Variants in VPS13D observed in about 807,000 individuals in gnomAD.
VPS13D encodes vacuolar protein sorting 13 homolog D, also known as intermembrane lipid transfer protein VPS13D.
In VPS13D, 187 loss-of-function variants were observed where a neutral mutation model predicts 461.9. That is an observed-to-expected ratio of 0.40 (90% CI 0.36 to 0.46). The LOEUF is 0.46. Ranked by LOEUF, VPS13D falls within the 20% of genes least tolerant of loss-of-function variation. VPS13D has a pLI of 0.60. For missense variants in VPS13D, 4,711 were observed against 5,364.9 expected, an observed-to-expected ratio of 0.88 and a Z score of 3.81; for synonymous variants, 1,951 against 1,986.3, an observed-to-expected ratio of 0.98 and a Z score of 0.47.
rs896312801 is a variant in VPS13D at position 12,509,317 on chromosome 1, A to G, written c.*293A>G. 3 of 349,816 alleles carry G rather than the reference A, an allele frequency of 8.6e-6. No individual in the cohort carries two copies. The highest frequency in any genetic ancestry group is 1.6e-5 in the Non-Finnish European group (3 of 191,102). 21.7% of individuals were successfully genotyped at this position (349,816 alleles called of 1,614,324 possible). On this transcript the variant is annotated 3_prime_UTR_variant, in exon 70 of 70. Transcript: ENST00000620676. ...TTTTAGATTGCCCTGTATTTTGTTA[A>G]CATGTATATATGTACAACAGTGTGT...
intron 8 of VPS13D, 100 bp from the exon 9 acceptor site, chr1:12,256,887 G>A: frequency 7.9e-7 from 1 of 1,268,824 alleles, no homozygotes; most frequent in Non-Finnish European, 1.1e-6. Flanking sequence ...TCAATTCAGT[G>A]GATCAACTAA....
chr1:12,266,842 C>T, intron 13 of VPS13D, 39 bp from the exon 14 acceptor site: 1 of 1,469,870 alleles, frequency 6.8e-7, no homozygotes, highest in South Asian at 1.4e-5. Flanking sequence ...ATTAGGCTCT[C>T]ATAAGCATTG....
chr1:12,467,865 G>T (rs188377246), intron 67 of VPS13D, among the ~76,000 whole-genome samples: 147 of 151,672 alleles, frequency 9.7e-4, no homozygotes, highest in Non-Finnish European at 1.6e-3. Flanking sequence ...GCCATTTTTG[G>T]CATGCAGAGA....
intron 29 of VPS13D, among the ~76,000 whole-genome samples, chr1:12,313,106 C>G (rs1175170952): frequency 1.3e-5 from 2 of 152,114 alleles, no homozygotes; most frequent in East Asian, 3.9e-4. Flanking sequence ...GGTCGTATGA[C>G]TGGGAAAGTG....
chr1:12,477,910 G>A (rs1338366850), intron 67 of VPS13D, among the ~76,000 whole-genome samples: 1 of 152,178 alleles, frequency 6.6e-6, no homozygotes, highest in Non-Finnish European at 1.5e-5. Flanking sequence ...CCTTTTTAGT[G>A]TGGTTGTATT....
intron 20 of VPS13D, among the ~76,000 whole-genome samples, chr1:12,281,215 C>T (rs1258491834): frequency 6.6e-6 from 1 of 152,106 alleles, no homozygotes; most frequent in Non-Finnish European, 1.5e-5. Context: ...AATGAGCATT[C>T]TTTGATACTA....
Position 12,275,994 on chromosome 1 carries a change from A to T in VPS13D, c.2406A>T (p.Glu802Asp), listed in dbSNP as rs757283865. ...PPFSGVEFSE[E>D]QLQAHLMSTK... ...TTTCTGGAGTTGAGTTCAGTGAAGA[A>T]CAGCTTCAAGCACATTTAATGAGCA... Residue 802 changes from glutamate (E) to aspartate (D), a missense_variant, in exon 19 of 70, where the codon GAA becomes GAT. Physicochemically the swap from Glu to Asp is conservative, Grantham distance 45. Transcript: ENST00000620676. The T allele has an allele frequency of 8.7e-6, 14 of 1,613,946 alleles. No individual in the cohort carries two copies. Among genetic ancestry groups the T allele is most frequent in the Non-Finnish European group, 4.2e-6 (5 of 1,180,008 alleles).
intron 68 of VPS13D, among the ~76,000 whole-genome samples, chr1:12,498,635 C>A (rs2100545568): frequency 6.6e-6 from 1 of 152,210 alleles, no homozygotes; most frequent in East Asian, 1.9e-4. Flanking sequence ...ACTTGGGTTG[C>A]CATTATAAAA....
chr1:12,281,798 C>T (rs1279188145), intron 20 of VPS13D, among the ~76,000 whole-genome samples: 1 of 152,082 alleles, frequency 6.6e-6, no homozygotes, highest in Admixed American at 6.6e-5. Flanking sequence ...AAAATGGTCA[C>T]TTTTTCTAAT....
intron 14 of VPS13D, among the ~76,000 whole-genome samples, chr1:12,267,281 T>G (rs941372221): frequency 1.3e-5 from 2 of 152,214 alleles, no homozygotes; most frequent in Non-Finnish European, 2.9e-5. Flanking sequence ...CATTTCAAGG[T>G]CAATGTTTGG....
At chr1:12,466,617 C>G (rs1645486896) in intron 67 of VPS13D, among the ~76,000 whole-genome samples, 1 of 152,176 alleles carries the variant, frequency 6.6e-6, no homozygotes, top group Non-Finnish European at 1.5e-5. Flanking sequence ...GAAGTTCCAG[C>G]ACGCTCCTTC....
At chr1:12,479,700 C>T (rs1645687832) in intron 67 of VPS13D, among the ~76,000 whole-genome samples, 1 of 152,096 alleles carries the variant, frequency 6.6e-6, no homozygotes, top group African/African-American at 2.4e-5. Context: ...ATCTCTCGGT[C>T]CCTCACATCG....
chr1:12,349,074 T>C (rs995754772), intron 45 of VPS13D, 90 bp from the exon 46 acceptor site: 3 of 1,610,028 alleles, frequency 1.9e-6, no homozygotes, highest in African/African-American at 2.7e-5. Context: ...GCAGTCAGTA[T>C]ATATGGTCTG....
At position 12,473,500 on chromosome 1, in the gene VPS13D, A is replaced by G. The variant is rs1645589694; in HGVS notation, c.12662+13104A>G. Reference sequence around the variant, plus strand: ...GGCTGCTGCTTGGCTGTGACCTGGAACAAGTTTTTCCCCTCTTAATCTCTC... The same window carrying G: ...GGCTGCTGCTTGGCTGTGACCTGGAGCAAGTTTTTCCCCTCTTAATCTCTC... On this transcript the variant is annotated intron_variant, in intron 67 of 69. Coordinates refer to ENST00000620676, the MANE Select transcript of VPS13D (RefSeq NM_015378.4). This position sits in a 1 kb window ranked among gnomAD's most constrained non-coding sequence, Gnocchi z 4.2. 6.6e-6 allele frequency among the ~76,000 whole-genome samples: 1 copy of G among 152,046 alleles called. No homozygotes were observed. Among genetic ancestry groups the G allele is most frequent in the Non-Finnish European group, 1.5e-5 (1 of 68,000 alleles).
At chr1:12,430,049 A>G (rs1023607650) in intron 65 of VPS13D, among the ~76,000 whole-genome samples, 3 of 152,218 alleles carry the variant, frequency 2.0e-5, no homozygotes, top group Non-Finnish European at 2.9e-5. Flanking sequence ...TAAGCAGAAC[A>G]TGCTTCCCAA....
At chr1:12,329,256 C>T (rs144473814) in intron 36 of VPS13D, among the ~76,000 whole-genome samples, 3,285 of 151,714 alleles carry the variant, frequency 0.022, 60 homozygotes, top group African/African-American at 0.038. Context: ...GCTTTGTTGC[C>T]GGGCTGGAGT....
chr1:12,352,839 C>T (rs905799295), intron 46 of VPS13D, among the ~76,000 whole-genome samples: 4 of 151,816 alleles, frequency 2.6e-5, no homozygotes, highest in Non-Finnish European at 5.9e-5. Flanking sequence ...GTGGTGCACT[C>T]CTGTAATCCC....
In VPS13D at chr1:12,293,534, C is replaced by A; in HGVS notation, c.5863C>A (p.Pro1955Thr). The change falls in exon 24 of 70, where the codon CCT becomes ACT. Residue 1955 changes from proline (P) to threonine (T), a missense_variant. Pro to Thr is a conservative substitution (Grantham distance 38). Around this residue, in one of 3 missense-constraint regions of VPS13D, gnomAD observed 4,411 missense variants for 4,937.8 expected, o/e 0.89. Transcript: ENST00000620676. ...TATCCTAATTTTTAGATACGGACGGCCTGACCCTCTGCTCCGGAGAGAACA... is the reference window on the plus strand; with the variant it reads ...TATCCTAATTTTTAGATACGGACGGACTGACCCTCTGCTCCGGAGAGAACA... ...LIFQTFKYGR[P>T]DPLLRREHDI... is the part of the protein sequence containing the mutation. The A allele has an allele frequency of 6.2e-7, 1 of 1,607,206 alleles. No homozygotes were observed. The highest frequency in any genetic ancestry group is 8.5e-7 in the Non-Finnish European group (1 of 1,175,958).
At chr1:12,409,713 A>G (rs1021833828) in intron 63 of VPS13D, 3 of 278,700 alleles carry the variant, frequency 1.1e-5, no homozygotes, top group Admixed American at 5.0e-5. Context: ...ATAATCAGAA[A>G]ATAGACCCAT....
Sources: allele counts gnomAD v4.1 joint callset (sites outside exome capture counted in the v4.1 genomes callset), GRCh38; gene constraint gnomAD v4.1.1; regional missense constraint gnomAD v4.1.1; non-coding constraint Gnocchi (gnomAD v3.1); transcripts MANE v1.5; gene names NCBI Gene and HGNC (gene_info 2026-07-23, HGNC 2026-07-21).